The following PAPPA variants were observed in gnomAD, a reference collection of about 807,000 sequenced individuals.
PAPPA encodes the protein pappalysin-1.
A neutral mutation model predicts 164.0 loss-of-function variants in PAPPA; 60 were observed. That is an observed-to-expected ratio of 0.37 (90% CI 0.30 to 0.45). The LOEUF (loss-of-function observed/expected upper bound fraction) is 0.45, where lower values mean the gene tolerates loss of function less well. PAPPA is among the 20% of genes least tolerant of loss of function. The pLI is 1.00. For missense variants in PAPPA, 1,782 were observed against 2,087.3 expected (o/e 0.85, Z 2.85); for synonymous variants, 875 against 814.1 (o/e 1.07, Z -1.27).
intron 7 of PAPPA, among the ~76,000 whole-genome samples, chr9:116,239,162 G>A (rs1253736090): frequency 6.6e-6 from 1 of 152,092 alleles, no homozygotes; most frequent in Non-Finnish European, 1.5e-5. Flanking sequence ...GTATGACAGT[G>A]ATGAAGAGAG....
intron 17 of PAPPA, among the ~76,000 whole-genome samples, chr9:116,361,162 C>G (rs1846421771): frequency 6.6e-6 from 1 of 152,170 alleles, no homozygotes; most frequent in African/African-American, 2.4e-5. Flanking sequence ...CTGGAGCCAG[C>G]ACAGGAGTTT....
At chr9:116,367,988 C>G (rs1410377720) in intron 19 of PAPPA, among the ~76,000 whole-genome samples, 1 of 152,106 alleles carries the variant, frequency 6.6e-6, no homozygotes, top group South Asian at 2.1e-4. Context: ...CTGTCAGGTC[C>G]TATGTGAAGG....
chr9:116,172,342 T>G (rs1374973814), intron 1 of PAPPA, among the ~76,000 whole-genome samples: 1 of 152,206 alleles, frequency 6.6e-6, no homozygotes, highest in Non-Finnish European at 1.5e-5. Context: ...TGTTTACTAC[T>G]GTAACTTTCC....
intron 17 of PAPPA, among the ~76,000 whole-genome samples, chr9:116,357,244 T>C (rs1846366056): frequency 6.6e-6 from 1 of 152,254 alleles, no homozygotes; most frequent in African/African-American, 2.4e-5. Flanking sequence ...AAATGTTAAC[T>C]TTTATTTAAT....
At chr9:116,182,442 C>A (rs1843918024) in intron 1 of PAPPA, among the ~76,000 whole-genome samples, 1 of 152,124 alleles carries the variant, frequency 6.6e-6, no homozygotes. Context: ...AGTGATGAGG[C>A]AGTTTTAGGA....
At chr9:116,274,835 C>T (rs1435202894) in intron 9 of PAPPA, among the ~76,000 whole-genome samples, 1 of 152,176 alleles carries the variant, frequency 6.6e-6, no homozygotes, top group Non-Finnish European at 1.5e-5. Flanking sequence ...CCTAGGCTTT[C>T]CCTCTGCCCT....
intron 10 of PAPPA, among the ~76,000 whole-genome samples, chr9:116,306,119 A>T (rs988006424): frequency 1.3e-5 from 2 of 152,188 alleles, no homozygotes; most frequent in Non-Finnish European, 2.9e-5. Context: ...GATGCAATAA[A>T]AATGATAAAT....
chr9:116,207,203 C>T (rs1313324794), intron 2 of PAPPA, among the ~76,000 whole-genome samples: 9 of 152,058 alleles, frequency 5.9e-5, no homozygotes, highest in African/African-American at 9.7e-5. Context: ...CTGGAGATAA[C>T]GATACTACCT....
At chr9:116,279,251 G>T (rs1455510248) in intron 9 of PAPPA, among the ~76,000 whole-genome samples, 2 of 152,132 alleles carry the variant, frequency 1.3e-5, no homozygotes, top group African/African-American at 4.8e-5. Context: ...GGGTCAAAGG[G>T]GGTCACTGAG....
At chr9:116,204,218 C>T (rs1397994948) in intron 2 of PAPPA, among the ~76,000 whole-genome samples, 28 of 152,164 alleles carry the variant, frequency 1.8e-4, no homozygotes, top group Non-Finnish European at 2.9e-5. Context: ...CTGTCCAATT[C>T]TGAGTAGCAA....
intron 1 of PAPPA, among the ~76,000 whole-genome samples, chr9:116,165,089 AC>A (rs1843706063): frequency 1.3e-5 from 2 of 152,160 alleles, no homozygotes; most frequent in Admixed American, 1.3e-4. Flanking sequence ...CTCTTGCATG[AC>A]TGCCCAAAAG....
chr9:116,193,260 AC>A (rs1055683530), intron 2 of PAPPA, among the ~76,000 whole-genome samples: 7 of 151,686 alleles, frequency 4.6e-5, no homozygotes, highest in African/African-American at 1.7e-4. Flanking sequence ...TCTTGAGGTC[AC>A]CCCCGACCCC....
At position 116,271,373 on chromosome 9, in the gene PAPPA, C is replaced by A. The variant is rs1355337527; in HGVS notation, c.2910C>A (p.Gly970=). 5 of 1,613,778 alleles carry A rather than the reference C, an allele frequency of 3.1e-6. No homozygotes were observed. In the South Asian group the frequency reaches 5.5e-5, roughly 18 times the overall value. The change falls in exon 9 of 22, where the codon GGC becomes GGA. Residue 970 remains glycine, a synonymous_variant. Transcript: ENST00000328252. The surrounding 1 kb of genome is among the most constrained non-coding windows in gnomAD (Gnocchi z 4.2). The part of the protein sequence containing the change: ...CDDMNKINGD[G]CSLFCRQEVS... Reference sequence around the variant, plus strand: ...ACATGAATAAGATCAATGGTGATGGCTGCTCCCTTTTCTGCCGACAAGAAG... The same window carrying A: ...ACATGAATAAGATCAATGGTGATGGATGCTCCCTTTTCTGCCGACAAGAAG...
chr9:116,187,655 C>A lies in PAPPA; in HGVS notation c.917C>A (p.Pro306His), dbSNP rs765997320. The A allele has an allele frequency of 1.2e-5, 19 of 1,614,096 alleles. No individual in the cohort carries two copies. The highest frequency in any genetic ancestry group is 1.4e-5 in the Non-Finnish European group (16 of 1,180,044). The change falls in exon 2 of 22, where the codon CCC becomes CAC. Residue 306 changes from proline to histidine, a missense_variant. Transcript: ENST00000328252. This position sits in a 1 kb window ranked among gnomAD's most constrained non-coding sequence, Gnocchi z 4.2. ...TCCCCCATGAAGGATGGCAGCAGCC[C>A]CAAAGTGGAATTCAGCAATGCCCAC... Reference protein sequence around the residue: ...AWSPMKDGSSPKVEFSNAHGF... With the variant: ...AWSPMKDGSSHKVEFSNAHGF...
intron 9 of PAPPA, among the ~76,000 whole-genome samples, chr9:116,288,205 C>T (rs1845365254): frequency 6.6e-6 from 1 of 152,040 alleles, no homozygotes; most frequent in African/African-American, 2.4e-5. Flanking sequence ...CCTGCCTCTA[C>T]TAAAAATACA....
Position 116,187,929 on chromosome 9 carries a change from G to T in PAPPA, c.1191G>T (p.Val397=), listed in dbSNP as rs80284365. The stretch of plus-strand genomic sequence containing the variant: ...ACAACATCTCCTGGGAGCTGGACGT[G>T]CTGGAGGTGAGCAACTCCTCCCTTC... ...KQYNISWELD[V]LEVSNSSLRR... is the part of the protein sequence containing the mutation. The change falls in exon 2 of 22, where the codon GTG becomes GTT. Residue 397 remains valine (V), a synonymous_variant. Transcript: ENST00000328252. This position sits in a 1 kb window ranked among gnomAD's most constrained non-coding sequence, Gnocchi z 4.2. 15,772 of 1,614,088 alleles carry T rather than the reference G, an allele frequency of 9.8e-3. 909 individuals are homozygous for T. In the African/African-American group the frequency reaches 0.15, roughly 15 times the overall value.
intron 1 of PAPPA, among the ~76,000 whole-genome samples, chr9:116,179,441 C>T (rs976897686): frequency 3.3e-5 from 5 of 152,218 alleles, no homozygotes; most frequent in East Asian, 1.9e-4. Context: ...CATGTGGTTA[C>T]TTTCAATGCT....
chr9:116,246,736 C>T (rs928827165), intron 7 of PAPPA, among the ~76,000 whole-genome samples: 1 of 152,134 alleles, frequency 6.6e-6, no homozygotes, highest in Non-Finnish European at 1.5e-5. Flanking sequence ...AAATGAAGGC[C>T]AAATGCGGTG....
At chr9:116,280,041 A>G (rs536883927) in intron 9 of PAPPA, among the ~76,000 whole-genome samples, 1 of 152,350 alleles carries the variant, frequency 6.6e-6, no homozygotes, top group South Asian at 2.1e-4. Flanking sequence ...GGATTGTGTG[A>G]AAACCTCACT....
Sources: allele counts gnomAD v4.1 joint callset (sites outside exome capture counted in the v4.1 genomes callset), GRCh38; gene constraint gnomAD v4.1.1; non-coding constraint Gnocchi (gnomAD v3.1); transcripts MANE v1.5; gene names NCBI Gene and HGNC (gene_info 2026-07-23, HGNC 2026-07-21).